The following GATB variants were observed in gnomAD, a reference collection of about 807,000 sequenced individuals.
GATB encodes the protein glutamyl-tRNA(Gln) amidotransferase subunit B, mitochondrial.
Under a neutral mutation model 62.3 loss-of-function variants are expected in GATB, and 39 were observed. The ratio of observed to expected loss-of-function variants is 0.63; its 90% CI spans 0.48 to 0.82. The LOEUF (loss-of-function observed/expected upper bound fraction) is 0.82, where lower values mean the gene tolerates loss of function less well. GATB is among the 40% of genes least tolerant of loss of function. GATB has a pLI of 0.00. For missense variants in GATB, 670 were observed against 684.0 expected, an observed-to-expected ratio of 0.98 and a Z score of 0.23; for synonymous variants, 276 against 258.9, an observed-to-expected ratio of 1.07 and a Z score of -0.63.
chr4:151,743,698 C>T (rs1448796485), intron 2 of GATB, among the ~76,000 whole-genome samples: 3 of 152,226 alleles, frequency 2.0e-5, no homozygotes, highest in Non-Finnish European at 4.4e-5. Context: ...GTTCTCTCAT[C>T]TGTAAATTAA....
intron 2 of GATB, among the ~76,000 whole-genome samples, chr4:151,739,944 G>A (rs1469824943): frequency 6.6e-6 from 1 of 152,172 alleles, no homozygotes; most frequent in African/African-American, 2.4e-5. Flanking sequence ...CTACTCTGGC[G>A]ACATGATAAG....
chr4:151,727,604 G>C (rs1739161207), intron 2 of GATB, among the ~76,000 whole-genome samples: 1 of 152,292 alleles, frequency 6.6e-6, no homozygotes, highest in South Asian at 2.1e-4. Context: ...CCTGATCTCT[G>C]AGAAGACATA....
chr4:151,693,094 C>A (rs1236065341), intron 9 of GATB, among the ~76,000 whole-genome samples: 1 of 152,196 alleles, frequency 6.6e-6, no homozygotes. Context: ...CGTATCAACG[C>A]AGGCACTGCT....
intron 5 of GATB, among the ~76,000 whole-genome samples, chr4:151,710,560 G>A (rs1396179529): frequency 6.6e-6 from 1 of 152,206 alleles, no homozygotes; most frequent in Non-Finnish European, 1.5e-5. Flanking sequence ...GCCCTTGTCA[G>A]AGTCACCAAC....
chr4:151,714,175 G>C (rs543193642), intron 5 of GATB, among the ~76,000 whole-genome samples: 1 of 152,302 alleles, frequency 6.6e-6, no homozygotes, highest in Admixed American at 6.5e-5. Flanking sequence ...CCTGGGCTAA[G>C]CTGGTCTATG....
At chr4:151,757,223 T>C (rs1739849175) in intron 2 of GATB, among the ~76,000 whole-genome samples, 1 of 152,128 alleles carries the variant, frequency 6.6e-6, no homozygotes, top group African/African-American at 2.4e-5. Flanking sequence ...ACATCTATCT[T>C]CTCCCAGAGG....
At chr4:151,673,462 G>T in intron 11 of GATB, 1 of 152,424 alleles carries the variant, frequency 6.6e-6, no homozygotes. Flanking sequence ...ATGACTTTAG[G>T]GAGGCAGGAA....
chr4:151,691,599 G>A (rs531839326), intron 9 of GATB: 1 of 152,276 alleles, frequency 6.6e-6, no homozygotes, highest in Non-Finnish European at 1.5e-5. Context: ...AGGAACCTCA[G>A]TCTACCCTGC....
chr4:151,754,749 C>T (rs755527684), intron 2 of GATB, among the ~76,000 whole-genome samples: 3 of 151,420 alleles, frequency 2.0e-5, no homozygotes, highest in African/African-American at 4.8e-5. Context: ...CCTTCTTTTT[C>T]GCAATAAAAG....
At chr4:151,692,530 C>T (rs1026059096) in intron 9 of GATB, among the ~76,000 whole-genome samples, 7 of 152,176 alleles carry the variant, frequency 4.6e-5, no homozygotes, top group African/African-American at 1.7e-4. Context: ...TGCCAGTGTA[C>T]ACCTAGGCCA....
chr4:151,710,384 T>A (rs1249814135), intron 5 of GATB, among the ~76,000 whole-genome samples: 1 of 152,240 alleles, frequency 6.6e-6, no homozygotes, highest in Non-Finnish European at 1.5e-5. Flanking sequence ...TTGAACCCAG[T>A]TCTCACTCTA....
intron 2 of GATB, among the ~76,000 whole-genome samples, chr4:151,757,467 ATT>A (rs745311470): frequency 2.1e-4 from 22 of 103,806 alleles, no homozygotes; most frequent in Admixed American, 3.3e-4. Flanking sequence ...CAGCTTCCAG[ATT>A]TTTTTTTTTT....
intron 4 of GATB, among the ~76,000 whole-genome samples, 194 bp downstream of exon 4, chr4:151,716,682 C>T (rs1425620609): frequency 2.0e-5 from 3 of 152,092 alleles, no homozygotes; most frequent in Non-Finnish European, 4.4e-5. Flanking sequence ...TATTAGCAAG[C>T]CTAATAATTA....
At chr4:151,697,817 G>A (rs1355824230) in intron 9 of GATB, among the ~76,000 whole-genome samples, 8 of 148,768 alleles carry the variant, frequency 5.4e-5, no homozygotes, top group Non-Finnish European at 8.9e-5. Context: ...GGAGAATGGC[G>A]TGAACCTGGG....
chr4:151,683,378 T>A (rs1738182270), intron 10 of GATB, among the ~76,000 whole-genome samples: 1 of 152,240 alleles, frequency 6.6e-6, no homozygotes, highest in Middle Eastern at 3.4e-3. Flanking sequence ...CACCGTAAGC[T>A]CCTTGTGAAA....
At chr4:151,752,817 T>C (rs1375573774) in intron 2 of GATB, among the ~76,000 whole-genome samples, 4 of 152,250 alleles carry the variant, frequency 2.6e-5, no homozygotes, top group African/African-American at 7.2e-5. Flanking sequence ...CTGGTGATTT[T>C]TGGCTCTCAA....
At chr4:151,695,930 ATTT>A (rs57028979) in intron 9 of GATB, among the ~76,000 whole-genome samples, 10 of 122,842 alleles carry the variant, frequency 8.1e-5, no homozygotes, top group African/African-American at 3.0e-4. Flanking sequence ...GCTAATTTAA[ATTT>A]TTTTTTTTTT....
chr4:151,716,029 G>C lies in GATB; in HGVS notation c.743C>G (p.Thr248Ser). The C allele has an allele frequency of 1.9e-6, 3 of 1,613,700 alleles. No homozygotes were observed. Among genetic ancestry groups the C allele is most frequent in the Non-Finnish European group, 2.5e-6 (3 of 1,179,804 alleles). Reference protein sequence around the residue: ...ELQLILQALGTSQANMAEGQL... With the variant: ...ELQLILQALGSSQANMAEGQL... ...TCTACCTGCCATGTTCGCCTGGCTG[G>C]TCCCCAGGGCTTGAAGGATCAGCTG... The change falls in exon 5 of 13, where the codon ACC becomes AGC. Residue 248 changes from threonine to serine, a missense_variant. Physicochemically the swap from Thr to Ser is moderately conservative, Grantham distance 58. Coordinates refer to ENST00000263985, the MANE Select transcript of GATB (RefSeq NM_004564.3).
At position 151,705,172 on chromosome 4, in the gene GATB, A is replaced by C; in HGVS notation, c.962+13T>G. The C allele has an allele frequency of 6.3e-7, 1 of 1,599,344 alleles. No individual in the cohort carries two copies. On this transcript the variant is annotated intron_variant, in intron 7 of 12. Coordinates refer to ENST00000263985, the MANE Select transcript of GATB (RefSeq NM_004564.3). ...CCCGGCTGTGGTCAGGACGCTCAGC[A>C]ATGCGAACTCACCCCAGCTTGTGAT...
Sources: allele counts gnomAD v4.1 joint callset (sites outside exome capture counted in the v4.1 genomes callset), GRCh38; gene constraint gnomAD v4.1.1; transcripts MANE v1.5; gene names NCBI Gene and HGNC (gene_info 2026-07-23, HGNC 2026-07-21).